The following EYS variants were observed in gnomAD, a reference collection of about 807,000 sequenced individuals.
The protein encoded by EYS is EGF-like photoreceptor maintenance factor.
In EYS, 250 loss-of-function variants were observed where a neutral mutation model predicts 282.1. The observed-to-expected ratio is 0.89, with a 90% confidence interval of 0.80 to 0.98. The LOEUF is 0.98. Ranked by LOEUF, EYS falls within the 50% of genes least tolerant of loss-of-function variation. The probability of loss-of-function intolerance (pLI) is 0.00; values close to 1 mark genes in which losing one functional copy is unlikely to be tolerated. For missense variants in EYS, 4,016 were observed against 3,709.0 expected, an observed-to-expected ratio of 1.08 and a Z score of -2.15; for synonymous variants, 1,355 against 1,282.9, an observed-to-expected ratio of 1.06 and a Z score of -1.20.
At chr6:65,607,460 T>C (rs986180075) in intron 2 of EYS, among the ~76,000 whole-genome samples, 10 of 151,922 alleles carry the variant, frequency 6.6e-5, no homozygotes, top group Non-Finnish European at 1.5e-4. Flanking sequence ...AGATTCCTGC[T>C]GTAACTTTCC....
chr6:64,011,128 T>G (rs187230217), intron 33 of EYS, among the ~76,000 whole-genome samples: 42 of 152,316 alleles, frequency 2.8e-4, no homozygotes, highest in African/African-American at 9.9e-4. Flanking sequence ...AAGTATGTAC[T>G]CTTACCTTCT....
At chr6:65,666,869 T>C (rs1244051746) in intron 1 of EYS, among the ~76,000 whole-genome samples, 1 of 143,150 alleles carries the variant, frequency 7.0e-6, no homozygotes, top group African/African-American at 2.6e-5. Context: ...TCTTGAAAAA[T>C]ACATAAAAAT....
intron 32 of EYS, among the ~76,000 whole-genome samples, chr6:64,073,212 T>G (rs1429978024): frequency 1.3e-5 from 2 of 151,914 alleles, no homozygotes; most frequent in Non-Finnish European, 2.9e-5. Flanking sequence ...ATTGATTTAT[T>G]CCATTAACAA....
intron 13 of EYS, among the ~76,000 whole-genome samples, chr6:65,033,747 T>A (rs1447858059): frequency 6.6e-6 from 1 of 152,160 alleles, no homozygotes; most frequent in Non-Finnish European, 1.5e-5. Flanking sequence ...GAATCACTAC[T>A]AGGGCAGTGC....
intron 12 of EYS, among the ~76,000 whole-genome samples, chr6:65,212,730 A>C (rs1766204770): frequency 6.6e-6 from 1 of 152,138 alleles, no homozygotes; most frequent in African/African-American, 2.4e-5. Context: ...GATGCTCTTG[A>C]AAATTTATGT....
At chr6:65,060,799 T>C (rs1488150033) in intron 12 of EYS, among the ~76,000 whole-genome samples, 1 of 146,200 alleles carries the variant, frequency 6.8e-6, no homozygotes, top group African/African-American at 2.6e-5. Flanking sequence ...TATATATATA[T>C]ATACACACAC....
At chr6:63,976,347 A>G (rs1052972694) in intron 35 of EYS, among the ~76,000 whole-genome samples, 1 of 152,090 alleles carries the variant, frequency 6.6e-6, no homozygotes, top group African/African-American at 2.4e-5. Context: ...TTTCAACTCC[A>G]TTACAATCCT....
At chr6:64,657,652 T>G (rs1003797653) in intron 22 of EYS, among the ~76,000 whole-genome samples, 18 of 152,160 alleles carry the variant, frequency 1.2e-4, no homozygotes, top group African/African-American at 4.3e-4. Flanking sequence ...GGGTTGAAAA[T>G]TCTTTTCTTT....
chr6:63,771,616 A>G (rs1349815376), intron 40 of EYS, among the ~76,000 whole-genome samples: 1 of 152,172 alleles, frequency 6.6e-6, no homozygotes, highest in Non-Finnish European at 1.5e-5. Flanking sequence ...AATCTTCACA[A>G]TTTATGTAGA....
intron 19 of EYS, among the ~76,000 whole-genome samples, chr6:64,868,582 G>A (rs1215551845): frequency 6.6e-6 from 1 of 151,394 alleles, no homozygotes; most frequent in Non-Finnish European, 1.5e-5. Context: ...ATAAATTTTT[G>A]TATTGGTTAC....
chr6:64,299,273 G>T (rs747671698), intron 30 of EYS, among the ~76,000 whole-genome samples: 3 of 152,196 alleles, frequency 2.0e-5, no homozygotes, highest in Non-Finnish European at 2.9e-5. Flanking sequence ...ACCCAAAGGC[G>T]TGTTAACTCA....
chr6:64,472,014 T>C (rs9362879), intron 26 of EYS, among the ~76,000 whole-genome samples: 48,176 of 152,098 alleles, frequency 0.32, 7,732 homozygotes, highest in East Asian at 0.5. Flanking sequence ...TCTTAAATAC[T>C]TTCATTTGAT....
intron 33 of EYS, among the ~76,000 whole-genome samples, chr6:64,006,553 C>A (rs918502859): frequency 6.6e-6 from 1 of 152,092 alleles, no homozygotes; most frequent in African/African-American, 2.4e-5. Context: ...AGTGGACATC[C>A]TTTTCTTGTT....
At position 64,388,703 on chromosome 6, in the gene EYS, T is replaced by A; in HGVS notation, c.6065A>T (p.His2022Leu). Reference sequence around the variant, plus strand: ...CTATAGAAATACCTGGATTTTCCCATGAAGGTCTGGAAATCCACCAATGAA... The same window carrying A: ...CTATAGAAATACCTGGATTTTCCCAAGAAGGTCTGGAAATCCACCAATGAA... ...SVFIGGFPDL[H>L]GKIQMPVPVK... The change falls in exon 29 of 43, where the codon CAT becomes CTT. Residue 2022 changes from histidine to leucine, a missense_variant. His to Leu is a moderately conservative substitution (Grantham distance 99). Coordinates refer to ENST00000503581, the MANE Select transcript of EYS (RefSeq NM_001142800.2). The A allele has an allele frequency of 1.3e-6, 2 of 1,534,126 alleles. No homozygotes were observed. Among genetic ancestry groups the A allele is most frequent in the African/African-American group, 1.4e-5 (1 of 72,588 alleles).
intron 30 of EYS, among the ~76,000 whole-genome samples, chr6:64,231,898 G>T (rs1447210380): frequency 1.3e-5 from 2 of 152,016 alleles, no homozygotes; most frequent in Non-Finnish European, 2.9e-5. Context: ...AAAACCTTGT[G>T]CAATAAAAAT....
chr6:65,431,041 C>T (rs952207379), intron 5 of EYS, among the ~76,000 whole-genome samples: 10 of 152,258 alleles, frequency 6.6e-5, no homozygotes, highest in East Asian at 3.9e-4. Flanking sequence ...ACTTTAGATA[C>T]GAGTACTGCC....
rs144941061 is a variant in EYS, at chr6:63,996,719, T to G, written c.6834+2356A>C. On this transcript the variant is annotated intron_variant, in intron 34 of 42. Transcript: ENST00000503581. ...ACTCATCCTCGTGCTTTATTTTCCT[T>G]CTCTGTATTTGAAGATAATAATAGT... Among the ~76,000 whole-genome samples, 248 of 152,268 alleles carry G rather than the reference T, an allele frequency of 1.6e-3. 2 individuals are homozygous for G. In the East Asian group the frequency reaches 0.036, roughly 22 times the overall value.
At chr6:64,828,659 C>T (rs1765130164) in intron 19 of EYS, among the ~76,000 whole-genome samples, 1 of 151,970 alleles carries the variant, frequency 6.6e-6, no homozygotes, top group Non-Finnish European at 1.5e-5. Context: ...GTGGACAGAA[C>T]TGCCAATGCA....
In EYS at chr6:64,349,606, T is replaced by G. The variant is rs56101500; in HGVS notation, c.6078+39084A>C. Among the ~76,000 whole-genome samples the G allele has an allele frequency of 5.6e-3, 842 of 151,452 alleles. 7 individuals are homozygous for G. Among genetic ancestry groups the G allele is most frequent in the African/African-American group, 0.019 (780 of 41,488 alleles). ...TTTGATACAAAGTGCATATTTTTATTTAAGTTGAAAATTCTCCTTTGATTA... is the reference window on the plus strand; with the variant it reads ...TTTGATACAAAGTGCATATTTTTATGTAAGTTGAAAATTCTCCTTTGATTA... On this transcript the variant is annotated intron_variant, in intron 29 of 42. Transcript: ENST00000503581.
Sources: allele counts gnomAD v4.1 joint callset (sites outside exome capture counted in the v4.1 genomes callset), GRCh38; gene constraint gnomAD v4.1.1; transcripts MANE v1.5; gene names NCBI Gene and HGNC (gene_info 2026-07-23, HGNC 2026-07-21).